FAAH2: variants seen among roughly 807,000 people sequenced by gnomAD.
The protein encoded by FAAH2 is fatty acid amide hydrolase 2.
A neutral mutation model predicts 36.9 loss-of-function variants in FAAH2; 60 were observed. The observed-to-expected ratio is 1.63, with a 90% CI of 1.32 to 2.02. The LOEUF is 2.02. FAAH2 is among the 30% of genes most tolerant of loss of function. The pLI, the probability that FAAH2 is intolerant of heterozygous loss-of-function variation, is 0.00. For synonymous variants in FAAH2, 214 were observed against 143.8 expected (o/e 1.49, Z -3.49); for missense variants, 689 against 397.5 (o/e 1.73, Z -6.23).
the FAAH2 span, among the ~76,000 whole-genome samples, chrX:57,185,488 C>CTGTG: frequency 2.3e-3 from 213 of 94,010 alleles, 1 homozygote; most frequent in South Asian, 9.0e-3. Context: ...CTCTCTGTCT[C>CTGTG]TGTGTGTGTG....
chrX:57,173,341 A>G, the FAAH2 span, among the ~76,000 whole-genome samples: 1 of 111,663 alleles, frequency 9.0e-6, no homozygotes, highest in South Asian at 3.7e-4. Flanking sequence ...TTCAGTTGCT[A>G]TTGTAAAAGG....
chrX:57,337,268 G>GA lies in FAAH2; in HGVS notation c.623-3987dup, dbSNP rs35462646. On this transcript the variant is annotated intron_variant, in intron 4 of 10. Coordinates refer to ENST00000374900, the MANE Select transcript of FAAH2 (RefSeq NM_174912.4). ...GGCAGTAATAAATAGCCTACCAATC[G>GA]AAAAAAAAAAAAAAAAGCCCAGGAC... 5.4e-3 allele frequency among the ~76,000 whole-genome samples: 326 copies of GA among 60,429 alleles called. 9 individuals are homozygous for GA. The highest frequency in any genetic ancestry group is 0.028 in the South Asian group (30 of 1,086). 52.5% of individuals were successfully genotyped at this position (60,429 alleles called of 115,157 possible).
the FAAH2 span, among the ~76,000 whole-genome samples, chrX:57,236,920 A>T: frequency 8.1e-5 from 9 of 111,595 alleles, no homozygotes; most frequent in Non-Finnish European, 1.3e-4. Context: ...CACCAAAAAA[A>T]ATTATTGATC....
At chrX:57,163,468 C>T in the FAAH2 span, among the ~76,000 whole-genome samples, 121 of 111,827 alleles carry the variant, frequency 1.1e-3, no homozygotes, top group African/African-American at 2.4e-3. Flanking sequence ...GCCTCGCTGC[C>T]GCCTTGCAGT....
chrX:57,190,859 C>A, the FAAH2 span, among the ~76,000 whole-genome samples: 1 of 110,820 alleles, frequency 9.0e-6, no homozygotes, highest in Non-Finnish European at 1.9e-5. Context: ...TGCAATATCC[C>A]CCCCACATTT....
Position 57,431,771 on chromosome X carries a change from G to GTTTTTTTTTTTTTTTTTTTTTTTT in FAAH2, c.997-140_997-139insTTTTTTTTTTTTTTTTTTTTTTTT, listed in dbSNP as rs1218617071. 1.5e-5 allele frequency: 3 copies of GTTTTTTTTTTTTTTTTTTTTTTTT among 202,044 alleles called. No individual in the cohort carries two copies. In the African/African-American group the frequency reaches 1.5e-4, roughly 10 times the overall value. The allele number at this position is 202,044 out of a possible 1,213,427, so 16.7% of individuals were successfully genotyped here. A position where few individuals can be genotyped will look rare whatever the true frequency, so the allele number is the denominator to read the frequency against. On this transcript the variant is annotated intron_variant, in intron 7 of 10. Transcript: ENST00000374900. Reference sequence around the variant, plus strand: ...TGTTTTGTTTTGTTTTTGTTTTTTTGTTTTTTTGTTTTTTTGTTTTTTTTG... The same window carrying GTTTTTTTTTTTTTTTTTTTTTTTT: ...TGTTTTGTTTTGTTTTTGTTTTTTTGTTTTTTTTTTTTTTTTTTTTTTTTTTTTTTTGTTTTTTTGTTTTTTTTG...
chrX:57,346,893 G>A (rs756146270), intron 5 of FAAH2, among the ~76,000 whole-genome samples: 5 of 111,252 alleles, frequency 4.5e-5, no homozygotes, highest in East Asian at 5.7e-4. Flanking sequence ...ATACACCCCC[G>A]TGTCTTCTGC....
intron 8 of FAAH2, among the ~76,000 whole-genome samples, chrX:57,444,254 T>G (rs2056625417): frequency 8.9e-6 from 1 of 112,278 alleles, no homozygotes; most frequent in Non-Finnish European, 1.9e-5. Context: ...TGGTGGGCTC[T>G]ATCCAGTTTT....
the FAAH2 span, among the ~76,000 whole-genome samples, chrX:57,197,525 A>C: frequency 6.3e-5 from 6 of 94,508 alleles, no homozygotes; most frequent in Admixed American, 6.9e-4. Context: ...CCTGGGGCTC[A>C]AGGGCTGCTA....
At chrX:57,448,478 A>T in intron 9 of FAAH2, 46 bp from the exon 10 acceptor site, 1 of 1,094,584 alleles carries the variant, frequency 9.1e-7, no homozygotes, top group African/African-American at 1.8e-5. Context: ...CTAGGAATTA[A>T]AATGAAGTTT....
At chrX:57,405,098 C>T (rs2055533960) in intron 7 of FAAH2, among the ~76,000 whole-genome samples, 1 of 111,815 alleles carries the variant, frequency 8.9e-6, no homozygotes, top group Admixed American at 9.4e-5. Context: ...TGACAGGTGC[C>T]TGGTATTTTC....
chrX:57,280,025 G>A, the FAAH2 span, among the ~76,000 whole-genome samples: 13 of 111,633 alleles, frequency 1.2e-4, no homozygotes, highest in African/African-American at 3.9e-4. Flanking sequence ...GACAGCATCC[G>A]AATAGATAGC....
the FAAH2 span, among the ~76,000 whole-genome samples, chrX:57,225,051 G>A: frequency 2.7e-5 from 3 of 111,505 alleles, no homozygotes; most frequent in Non-Finnish European, 5.7e-5. Context: ...GGTTAATCTT[G>A]CTAATGGTCT....
intron 10 of FAAH2, among the ~76,000 whole-genome samples, chrX:57,450,011 G>T (rs1378935313): frequency 1.8e-5 from 2 of 111,384 alleles, no homozygotes; most frequent in East Asian, 2.8e-4. Context: ...AAATTGCTGC[G>T]TTTAAGTTTC....
At chrX:57,437,379 A>G (rs2056431000) in intron 8 of FAAH2, among the ~76,000 whole-genome samples, 1 of 110,745 alleles carries the variant, frequency 9.0e-6, no homozygotes, top group Non-Finnish European at 1.9e-5. Context: ...TCCTAGCCAG[A>G]GCAATCTGGC....
chrX:57,434,949 C>G (rs771584472), intron 8 of FAAH2, among the ~76,000 whole-genome samples: 1 of 110,292 alleles, frequency 9.1e-6, no homozygotes, highest in African/African-American at 3.3e-5. Context: ...CTTCGCAGGT[C>G]AGAAGAAAAT....
rs1291964535 is a variant in FAAH2 at position 57,488,897 on chromosome X, A to C, written c.1564A>C (p.Thr522Pro). 8.3e-7 allele frequency: 1 copy of C among 1,210,282 alleles called. No individual in the cohort carries two copies. Among genetic ancestry groups the C allele is most frequent in the Admixed American group, 2.2e-5 (1 of 45,801 alleles). Residue 522 changes from threonine to proline, a missense_variant, in exon 11 of 11, where the codon ACT (threonine) becomes CCT (proline). Transcript: ENST00000374900. ...GGCTGTGGCCCAGTACTTGGAGAAA[A>C]CTTTTGGGGGCTGGGTCTGTCCAGG... ...TLAVAQYLEK[T>P]FGGWVCPGKF
chrX:57,241,691 C>A, the FAAH2 span, among the ~76,000 whole-genome samples: 11 of 111,704 alleles, frequency 9.8e-5, no homozygotes, highest in African/African-American at 3.6e-4. Context: ...ATTCATCACC[C>A]CAATCCTACC....
At chrX:57,323,197 T>G (rs1000327116) in intron 3 of FAAH2, among the ~76,000 whole-genome samples, 1 of 111,841 alleles carries the variant, frequency 8.9e-6, no homozygotes, top group African/African-American at 3.3e-5. Flanking sequence ...TATTCCATGG[T>G]GTATATGTGT....
Sources: allele counts gnomAD v4.1 joint callset (sites outside exome capture counted in the v4.1 genomes callset), GRCh38; gene constraint gnomAD v4.1.1; transcripts MANE v1.5; gene names NCBI Gene and HGNC (gene_info 2026-07-23, HGNC 2026-07-21).